PARD6G: variants seen among roughly 807,000 people sequenced by gnomAD.
PARD6G encodes par-6 family cell polarity regulator gamma, also known as partitioning defective 6 homolog gamma.
PARD6G carries 7 observed loss-of-function variants against 10.7 expected under a neutral mutation model. The ratio of observed to expected loss-of-function variants is 0.66; its 90% CI spans 0.37 to 1.23. PARD6G has a LOEUF of 1.23. PARD6G is among the 50% of genes most tolerant of loss of function. The probability of loss-of-function intolerance (pLI) is 0.02; values close to 1 mark genes in which losing one functional copy is unlikely to be tolerated. For synonymous variants in PARD6G, 287 were observed against 269.4 expected, an observed-to-expected ratio of 1.07 and a Z score of -0.64; for missense variants, 548 against 571.8, an observed-to-expected ratio of 0.96 and a Z score of 0.42.
intron 2 of PARD6G, among the ~76,000 whole-genome samples, chr18:80,166,774 C>T (rs1467108192): frequency 6.6e-6 from 1 of 151,624 alleles, no homozygotes; most frequent in Non-Finnish European, 1.5e-5. Context: ...TCCCTGCAGA[C>T]CAGGAAGGTC....
At chr18:80,196,128 A>G (rs1278109312) in intron 2 of PARD6G, among the ~76,000 whole-genome samples, 5 of 152,250 alleles carry the variant, frequency 3.3e-5, no homozygotes, top group Non-Finnish European at 5.9e-5. Context: ...GGACTTGGTT[A>G]TACTTTGTTA....
intron 2 of PARD6G, among the ~76,000 whole-genome samples, chr18:80,195,756 T>A (rs984521261): frequency 6.6e-6 from 1 of 150,588 alleles, no homozygotes; most frequent in East Asian, 2.0e-4. Flanking sequence ...GTGCCTGTAG[T>A]CCCAGCTACT....
chr18:80,236,036 G>C (rs954196454), intron 1 of PARD6G, among the ~76,000 whole-genome samples: 2 of 152,152 alleles, frequency 1.3e-5, no homozygotes, highest in Non-Finnish European at 2.9e-5. Flanking sequence ...AAGCCTGGCA[G>C]AGACATAACA....
intron 2 of PARD6G, among the ~76,000 whole-genome samples, chr18:80,166,019 A>G (rs929959234): frequency 4.6e-5 from 7 of 152,164 alleles, no homozygotes; most frequent in Non-Finnish European, 1.0e-4. Flanking sequence ...CGGAGGCTGC[A>G]GTGAGCTGAG....
chr18:80,233,696 C>G (rs1363465745), intron 1 of PARD6G, among the ~76,000 whole-genome samples: 1 of 152,112 alleles, frequency 6.6e-6, no homozygotes, highest in African/African-American at 2.4e-5. Context: ...CAGCCTTAAC[C>G]AGGAACCTCA....
intron 2 of PARD6G, 131 bp from the exon 3 acceptor site, chr18:80,160,737 A>G: frequency 7.5e-7 from 1 of 1,330,326 alleles, no homozygotes; most frequent in Non-Finnish European, 9.7e-7. Flanking sequence ...AGCATTCCAG[A>G]CCTGCAGGCT....
At chr18:80,187,628 C>T (rs1242857284) in intron 2 of PARD6G, 2 of 152,350 alleles carry the variant, frequency 1.3e-5, no homozygotes, top group Non-Finnish European at 2.9e-5. Context: ...TCCTGGCTCC[C>T]CTGTGTGGTA....
In PARD6G at chr18:80,192,446, TGCCACGGCGGGAGCCCAGGGGAC is replaced by T. The variant is rs879790704; in HGVS notation, c.295+10241_295+10263del. ...AGCCCAGGGGACGGGGGAGAGCAGG[TGCCACGGCGGGAGCCCAGGGGAC>T]GGGGGAGAGCAGGTGCCACGGCGGG... On this transcript the variant is annotated intron_variant, in intron 2 of 2. Coordinates refer to ENST00000353265, the MANE Select transcript of PARD6G (RefSeq NM_032510.4). This position sits in a 1 kb window ranked among gnomAD's most constrained non-coding sequence, Gnocchi z 4.9. Among the ~76,000 whole-genome samples, 23 of 151,100 alleles carry T rather than the reference TGCCACGGCGGGAGCCCAGGGGAC, an allele frequency of 1.5e-4. No homozygotes were observed. Among genetic ancestry groups the T allele is most frequent in the Admixed American group, 3.3e-4 (5 of 15,222 alleles).
chr18:80,173,272 A>G (rs1164640547), intron 2 of PARD6G, among the ~76,000 whole-genome samples: 2 of 152,180 alleles, frequency 1.3e-5, no homozygotes, highest in East Asian at 3.9e-4. Flanking sequence ...GGACAAAGAC[A>G]AGACTCAGAA....
At chr18:80,229,083 T>C (rs990575132) in intron 1 of PARD6G, among the ~76,000 whole-genome samples, 1 of 151,972 alleles carries the variant, frequency 6.6e-6, no homozygotes, top group Non-Finnish European at 1.5e-5. Context: ...GGACTACAGG[T>C]GCATGCCACC....
At chr18:80,205,847 T>C (rs78582178) in intron 1 of PARD6G, among the ~76,000 whole-genome samples, 1,911 of 152,354 alleles carry the variant, frequency 0.013, 8 homozygotes, top group Non-Finnish European at 0.021. Flanking sequence ...AATTTCCTTG[T>C]ATCACTATAT....
rs1382662118 is a variant in PARD6G, at chr18:80,189,358, A to G, written c.295+13352T>C. The G allele has an allele frequency of 6.6e-6, 1 of 152,184 alleles. No homozygotes were observed. Among genetic ancestry groups the G allele is most frequent in the Non-Finnish European group, 1.5e-5 (1 of 68,042 alleles). 9.4% of individuals were successfully genotyped at this position (152,184 alleles called of 1,614,324 possible). On this transcript the variant is annotated intron_variant, in intron 2 of 2. Coordinates refer to ENST00000353265, the MANE Select transcript of PARD6G (RefSeq NM_032510.4). The surrounding 1 kb of genome is among the most constrained non-coding windows in gnomAD (Gnocchi z 5.5). ...TCGGACTGGCCAATGGTTCCTTCCT[A>G]ACTCAACCAAGGGCCACTGCGCCAC...
intron 1 of PARD6G, among the ~76,000 whole-genome samples, chr18:80,243,618 C>T (rs960775387): frequency 6.6e-6 from 1 of 152,108 alleles, no homozygotes; most frequent in African/African-American, 2.4e-5. Flanking sequence ...ATTAACACGA[C>T]AGACAATCTG....
At chr18:80,233,637 C>G (rs1381388051) in intron 1 of PARD6G, among the ~76,000 whole-genome samples, 3 of 152,146 alleles carry the variant, frequency 2.0e-5, no homozygotes, top group Admixed American at 2.0e-4. Flanking sequence ...TCCTCTAGAA[C>G]AGCTGATCAC....
intron 2 of PARD6G, among the ~76,000 whole-genome samples, chr18:80,179,322 G>A (rs955492149): frequency 1.3e-5 from 2 of 151,490 alleles, no homozygotes; most frequent in Admixed American, 6.6e-5. Flanking sequence ...AGCCTCAGAC[G>A]CTCAGCAAGG....
chr18:80,199,818 AT>A (rs1966992859), intron 2 of PARD6G, among the ~76,000 whole-genome samples: 1 of 151,846 alleles, frequency 6.6e-6, no homozygotes. Context: ...TGATTTATAT[AT>A]TTTTTAGTAG....
intron 2 of PARD6G, among the ~76,000 whole-genome samples, chr18:80,185,646 A>G (rs2052870120): frequency 6.6e-6 from 1 of 151,362 alleles, no homozygotes; most frequent in Non-Finnish European, 1.5e-5. Flanking sequence ...TCACACACGC[A>G]TATACCCTCA....
chr18:80,160,697 C>T (rs1260069842), intron 2 of PARD6G, 91 bp from the exon 3 acceptor site: 4 of 1,415,192 alleles, frequency 2.8e-6, no homozygotes, highest in South Asian at 3.1e-5. Context: ...GTTCCATCTG[C>T]GTGACGCCGA....
At chr18:80,168,619 A>G (rs1000505580) in intron 2 of PARD6G, among the ~76,000 whole-genome samples, 1 of 150,372 alleles carries the variant, frequency 6.7e-6, no homozygotes, top group Non-Finnish European at 1.5e-5. Context: ...ATGTATATGT[A>G]TAAACTTTTT....
Sources: gnomAD v4.1 joint callset for allele counts (sites outside exome capture counted in the v4.1 genomes callset) on GRCh38, gnomAD v4.1.1 for gene constraint, Gnocchi (gnomAD v3.1) non-coding constraint, MANE v1.5 for transcripts, NCBI Gene and HGNC (gene_info 2026-07-23, HGNC 2026-07-21) for gene names.